Variants in TMEM132C observed in about 807,000 individuals in gnomAD.
TMEM132C encodes protein phosphatase 1, regulatory subunit 152.
Under a neutral mutation model 61.4 loss-of-function variants are expected in TMEM132C, and 29 were observed. The ratio of observed to expected loss-of-function variants is 0.47; its 90% confidence interval spans 0.35 to 0.64. TMEM132C has a LOEUF of 0.64. TMEM132C is among the 30% of genes least tolerant of loss of function. The probability of loss-of-function intolerance (pLI) is 0.00; values close to 1 mark genes in which losing one functional copy is unlikely to be tolerated. For synonymous variants in TMEM132C, 656 were observed against 633.1 expected (o/e 1.04, Z -0.54); for missense variants, 1,408 against 1,476.9 (o/e 0.95, Z 0.76).
rs574967944 is a variant in TMEM132C at position 128,347,316 on chromosome 12, C to T, written c.86-67416C>T. Among the ~76,000 whole-genome samples the T allele has an allele frequency of 2.0e-4, 31 of 152,010 alleles. 1 individual carries two copies. The highest frequency in any genetic ancestry group is 7.5e-4 in the African/African-American group (31 of 41,460). On this transcript the variant is annotated intron_variant, in intron 1 of 8. Transcript: ENST00000435159. ...GTGTATATACCACATTTTCTTTATCCACTCGTTGGTTGATGGGCACTTAGG... is the reference window on the plus strand; with the variant it reads ...GTGTATATACCACATTTTCTTTATCTACTCGTTGGTTGATGGGCACTTAGG...
rs537983313 is a variant in TMEM132C, at chr12:128,355,031, G to A, written c.86-59701G>A. On this transcript the variant is annotated intron_variant, in intron 1 of 8. Transcript: ENST00000435159. ...AACCTTTCAGTGGGGAAACCATCCC[G>A]GTTTGGGAAAATGTTTTCTTTATGA... 1.0e-3 allele frequency among the ~76,000 whole-genome samples: 152 copies of A among 152,320 alleles called. 2 individuals are homozygous for A. Among genetic ancestry groups the A allele is most frequent in the South Asian group, 6.2e-3 (30 of 4,820 alleles).
intron 1 of TMEM132C, among the ~76,000 whole-genome samples, chr12:128,374,374 C>G (rs1874120951): frequency 1.2e-4 from 18 of 152,088 alleles, no homozygotes; most frequent in Admixed American, 1.2e-3. Flanking sequence ...CTGGGCGGAG[C>G]CATTGCTGCT....
chr12:128,621,664 C>T (rs1953964476), intron 4 of TMEM132C, among the ~76,000 whole-genome samples: 1 of 152,314 alleles, frequency 6.6e-6, no homozygotes, highest in East Asian at 1.9e-4. Flanking sequence ...CCCTGGGACA[C>T]AATGCATCCT....
intron 1 of TMEM132C, among the ~76,000 whole-genome samples, chr12:128,269,821 T>TAAA (rs57072766): frequency 3.6e-4 from 53 of 148,592 alleles, no homozygotes; most frequent in African/African-American, 1.1e-3. Flanking sequence ...CTGCTGTCTT[T>TAAA]AAAAAAAAAA....
chr12:128,575,964 G>A (rs1241268266), intron 3 of TMEM132C, among the ~76,000 whole-genome samples: 1 of 152,170 alleles, frequency 6.6e-6, no homozygotes, highest in East Asian at 1.9e-4. Context: ...GAATGTCCCT[G>A]TGGTACAATT....
intron 4 of TMEM132C, among the ~76,000 whole-genome samples, chr12:128,644,846 A>G (rs1231681415): frequency 6.6e-6 from 1 of 152,160 alleles, no homozygotes; most frequent in African/African-American, 2.4e-5. Flanking sequence ...TTCTTTGTTC[A>G]GAAAAGTCCG....
rs544084260 is a variant in TMEM132C at position 128,412,328 on chromosome 12, G to C, written c.86-2404G>C. Among the ~76,000 whole-genome samples the C allele has an allele frequency of 8.8e-4, 134 of 152,162 alleles. 1 individual carries two copies. The South Asian group carries it at 0.027, about 30-fold the overall frequency. Reference sequence around the variant, plus strand: ...TCTTCAGCCCCCTTTATTTCTGCCTGGTTCTCACCCAATCCCTGTTAATAA... The same window carrying C: ...TCTTCAGCCCCCTTTATTTCTGCCTCGTTCTCACCCAATCCCTGTTAATAA... On this transcript the variant is annotated intron_variant, in intron 1 of 8. Transcript: ENST00000435159.
At chr12:128,431,850 A>G (rs1869400645) in intron 2 of TMEM132C, among the ~76,000 whole-genome samples, 1 of 152,142 alleles carries the variant, frequency 6.6e-6, no homozygotes, top group Non-Finnish European at 1.5e-5. Context: ...TTTAGTAGCT[A>G]GAAGGGAGAA....
intron 1 of TMEM132C, among the ~76,000 whole-genome samples, chr12:128,293,307 T>C (rs990434993): frequency 3.9e-5 from 6 of 152,216 alleles, no homozygotes; most frequent in Non-Finnish European, 8.8e-5. Flanking sequence ...GTAAGGTACT[T>C]AAAAAAGATT....
intron 4 of TMEM132C, among the ~76,000 whole-genome samples, chr12:128,661,711 A>C (rs1167311588): frequency 6.6e-6 from 1 of 152,240 alleles, no homozygotes; most frequent in Non-Finnish European, 1.5e-5. Flanking sequence ...GTCAGTTTTG[A>C]GACAAATGAA....
At chr12:128,670,010 TG>T (rs1452422148) in intron 5 of TMEM132C, among the ~76,000 whole-genome samples, 16 of 152,232 alleles carry the variant, frequency 1.1e-4, no homozygotes, top group African/African-American at 3.6e-4. Flanking sequence ...ATCTTTTTTA[TG>T]TGATGAGAAC....
chr12:128,693,771 G>C, intron 5 of TMEM132C, 58 bp from the exon 6 acceptor site: 1 of 1,530,632 alleles, frequency 6.5e-7, no homozygotes, highest in Non-Finnish European at 8.8e-7. Flanking sequence ...ACAAAAAAAG[G>C]ATTGTCTCCA....
At chr12:128,580,905 A>G (rs1875309963) in intron 3 of TMEM132C, among the ~76,000 whole-genome samples, 2 of 152,048 alleles carry the variant, frequency 1.3e-5, no homozygotes, top group African/African-American at 4.8e-5. Flanking sequence ...GCCTGCTAGG[A>G]TATTTAGTGG....
At chr12:128,395,645 G>A (rs941745229) in intron 1 of TMEM132C, among the ~76,000 whole-genome samples, 1 of 152,196 alleles carries the variant, frequency 6.6e-6, no homozygotes, top group African/African-American at 2.4e-5. Context: ...TTATGATAAG[G>A]TATTGAATAT....
intron 1 of TMEM132C, among the ~76,000 whole-genome samples, chr12:128,335,327 TAATA>T (rs150420253): frequency 0.078 from 11,925 of 152,300 alleles, 649 homozygotes; most frequent in Middle Eastern, 0.15. Context: ...ATCAACCTCG[TAATA>T]AATAACTGTA....
intron 1 of TMEM132C, chr12:128,404,319 C>A (rs1875264819): frequency 1.3e-5 from 2 of 152,156 alleles, no homozygotes; most frequent in South Asian, 4.1e-4. Flanking sequence ...TAGAATAACC[C>A]CTGGCTTCAT....
intron 2 of TMEM132C, chr12:128,438,051 ATCT>A (rs1174265433): frequency 6.6e-6 from 1 of 152,146 alleles, no homozygotes; most frequent in African/African-American, 2.4e-5. Context: ...GGTGGAAATA[ATCT>A]TCTTTGGGGT....
intron 1 of TMEM132C, among the ~76,000 whole-genome samples, chr12:128,374,689 T>C (rs1874133209): frequency 6.6e-6 from 1 of 151,160 alleles, no homozygotes; most frequent in African/African-American, 2.4e-5. Flanking sequence ...CCAAGACAAA[T>C]GACCATACAA....
At chr12:128,401,399 G>C (rs979585514) in intron 1 of TMEM132C, among the ~76,000 whole-genome samples, 4 of 151,958 alleles carry the variant, frequency 2.6e-5, no homozygotes, top group African/African-American at 4.8e-5. Context: ...ACAATTCAAA[G>C]TCAAGTAATA....
Sources: gnomAD v4.1 joint callset for allele counts (sites outside exome capture counted in the v4.1 genomes callset) on GRCh38, gnomAD v4.1.1 for gene constraint, MANE v1.5 for transcripts, NCBI Gene and HGNC (gene_info 2026-07-23, HGNC 2026-07-21) for gene names.